The following CFAP74 variants were observed in gnomAD, a reference collection of about 807,000 sequenced individuals.
The protein encoded by CFAP74 is cilia and flagella associated protein 74.
In CFAP74, 124 loss-of-function variants were observed where a neutral mutation model predicts 188.9. The ratio of observed to expected loss-of-function variants is 0.66; its 90% CI spans 0.57 to 0.76. The LOEUF (loss-of-function observed/expected upper bound fraction) is 0.76, where lower values mean the gene tolerates loss of function less well. Among genes scored for constraint, CFAP74 ranks in the 30% least tolerant of loss-of-function variants. The probability of loss-of-function intolerance (pLI) is 0.00; values close to 1 mark genes in which losing one functional copy is unlikely to be tolerated. For synonymous variants in CFAP74, 956 were observed against 916.7 expected (o/e 1.04, Z -0.77); for missense variants, 2,198 against 2,165.2 (o/e 1.02, Z -0.30).
Position 1,995,844 on chromosome 1 carries a change from CT to C in CFAP74, c.-19-4870del, listed in dbSNP as rs1657889443. Among the ~76,000 whole-genome samples the C allele has an allele frequency of 3.4e-5, 5 of 148,394 alleles. 1 individual carries two copies. In the South Asian group the frequency reaches 8.8e-4, roughly 26 times the overall value. ...AATGGCATGAACCCGGGAGGCGGAA[CT>C]TGCAGTGAGCCGAGATTGCACCACT... On this transcript the variant is annotated intron_variant, in intron 1 of 38. Coordinates refer to ENST00000682832, the MANE Select transcript of CFAP74 (RefSeq NM_001304360.2).
Position 1,922,428 on chromosome 1 carries a change from T to A in CFAP74, c.4819-40A>T, listed in dbSNP as rs758852155. The A allele has an allele frequency of 4.4e-6, 7 of 1,581,044 alleles. No homozygotes were observed. In the Admixed American group the frequency reaches 1.3e-4, roughly 29 times the overall value. ...GAGGGGAGAAGAGGCCTTCAGTCAG[T>A]GGGCACCCAGAGGAGATCTGCTGTC... On this transcript the variant is annotated intron_variant, in intron 38 of 38. Coordinates refer to ENST00000682832, the MANE Select transcript of CFAP74 (RefSeq NM_001304360.2).
rs771587512 is a variant in CFAP74, at chr1:1,985,487, GGCCCT to G, written c.396-2_398del. On this transcript the variant is annotated splice_acceptor_variant and coding_sequence_variant, in exon 6 of 39. Transcript: ENST00000682832. LOFTEE classifies it high-confidence loss of function. ...ACACGGCCTGGAGGCGGCCCACAGC[GGCCCT>G]GCAGTGGTGAACGGACAGGCCGGGC... 6.2e-7 allele frequency: 1 copy of G among 1,613,372 alleles called. No homozygotes were observed. The highest frequency in any genetic ancestry group is 2.2e-5 in the East Asian group (1 of 44,874).
chr1:1,927,714 G>A lies in CFAP74; in HGVS notation c.3420C>T (p.Asp1140=). ...GAACGGAGAATGACAGTCCATGCAG[G>A]TCCTTCCTCTGGGGGGCCATATTCT... ...FRKNMAPQRK[D]LHGLSFSVLR... The change falls in exon 28 of 39, where the codon GAC becomes GAT. Residue 1140 remains aspartate (D), a synonymous_variant. Transcript: ENST00000682832. The A allele has an allele frequency of 6.5e-7, 1 of 1,550,178 alleles. No homozygotes were observed. The highest frequency in any genetic ancestry group is 8.7e-7 in the Non-Finnish European group (1 of 1,146,832).
intron 34 of CFAP74, 73 bp downstream of exon 34, chr1:1,924,318 C>T: frequency 1.3e-6 from 1 of 762,992 alleles, no homozygotes; most frequent in South Asian, 2.3e-5. Flanking sequence ...TGTCCCCCTC[C>T]AGGCCACTGC....
chr1:1,954,950 C>G (rs528760978), intron 18 of CFAP74: 1 of 1,196,370 alleles, frequency 8.4e-7, no homozygotes, highest in East Asian at 5.9e-5. Context: ...CAAGTGTGCA[C>G]TGGCAGAAGG....
chr1:1,928,760 C>T (rs1159138484), intron 27 of CFAP74, 24 bp downstream of exon 27: 3 of 1,508,270 alleles, frequency 2.0e-6, no homozygotes, highest in South Asian at 2.4e-5. Flanking sequence ...CGACCTACGC[C>T]CCTCCTTCCC....
rs530989648 is a variant in CFAP74, at chr1:1,975,705, C to T, written c.501-1507G>A. On this transcript the variant is annotated intron_variant, in intron 6 of 38. Coordinates refer to ENST00000682832, the MANE Select transcript of CFAP74 (RefSeq NM_001304360.2). This position sits in a 1 kb window ranked among gnomAD's most constrained non-coding sequence, Gnocchi z 4.5. ...GGGGACTCCGCGGAGCTTCCACGGG[C>T]GGGTTATTTCTATTCCTCCCTCGCG... Among the ~76,000 whole-genome samples, 17 of 152,206 alleles carry T rather than the reference C, an allele frequency of 1.1e-4. No homozygotes were observed. The highest frequency in any genetic ancestry group is 2.1e-4 in the South Asian group (1 of 4,810).
intron 25 of CFAP74, among the ~76,000 whole-genome samples, chr1:1,937,357 G>A (rs1652971597): frequency 6.6e-6 from 1 of 152,174 alleles, no homozygotes; most frequent in Non-Finnish European, 1.5e-5. Context: ...GGACAGCATC[G>A]CACCTGTGGC....
intron 1 of CFAP74, among the ~76,000 whole-genome samples, chr1:1,993,128 G>T (rs1279597139): frequency 6.7e-6 from 1 of 149,720 alleles, no homozygotes; most frequent in African/African-American, 2.5e-5. Flanking sequence ...TTGAGCCCAG[G>T]AGGCGGAGGT....
chr1:1,986,398 C>T (rs1244303039), intron 5 of CFAP74, among the ~76,000 whole-genome samples: 1 of 152,154 alleles, frequency 6.6e-6, no homozygotes, highest in Non-Finnish European at 1.5e-5. Context: ...GCTGCTGGCC[C>T]TCTGCTCCCC....
chr1:1,952,784 A>G (rs1654285692), intron 18 of CFAP74, among the ~76,000 whole-genome samples: 1 of 151,796 alleles, frequency 6.6e-6, no homozygotes, highest in South Asian at 2.1e-4. Context: ...TCCCCCAAGT[A>G]GCTGGGACTA....
intron 4 of CFAP74, among the ~76,000 whole-genome samples, 196 bp downstream of exon 4, chr1:1,988,316 T>C (rs1396113406): frequency 6.6e-6 from 1 of 152,098 alleles, no homozygotes; most frequent in African/African-American, 2.4e-5. Context: ...GCCTTTTCTG[T>C]GGGAAGGGGG....
At chr1:1,978,425 G>A (rs527626124) in intron 6 of CFAP74, among the ~76,000 whole-genome samples, 4 of 152,284 alleles carry the variant, frequency 2.6e-5, no homozygotes, top group Admixed American at 2.6e-4. Flanking sequence ...GGGGATGGGT[G>A]GAAGGGGTTT....
chr1:1,950,773 A>C (rs905124659), intron 18 of CFAP74, among the ~76,000 whole-genome samples: 1 of 152,186 alleles, frequency 6.6e-6, no homozygotes, highest in African/African-American at 2.4e-5. Flanking sequence ...GCAGTCTCTT[A>C]ACAGCGTCTT....
In CFAP74 at chr1:1,923,797, AGCTTGTCG is replaced by A; in HGVS notation, c.4359_4366del (p.Asp1454ProfsTer6). On this transcript the variant is annotated frameshift_variant, in exon 35 of 39. Transcript: ENST00000682832. LOFTEE classifies it high-confidence loss of function. This position sits in a 1 kb window ranked among gnomAD's most constrained non-coding sequence, Gnocchi z 6.3. ...CACCTTTTCAAAGAGCACCACCTGG[AGCTTGTCG>A]GAGAAGTAGAGGCTTTCGTGGTCGG... 1 of 1,613,362 alleles carries A rather than the reference AGCTTGTCG, an allele frequency of 6.2e-7. No homozygotes were observed. The highest frequency in any genetic ancestry group is 8.5e-7 in the Non-Finnish European group (1 of 1,179,826).
Position 1,924,516 on chromosome 1 carries a change from T to TGCAGCTGCAGAGAGCAGGCC in CFAP74, c.4105-16_4108dup (p.Gln1370ArgfsTer109). 6.2e-7 allele frequency: 1 copy of TGCAGCTGCAGAGAGCAGGCC among 1,603,070 alleles called. No homozygotes were observed. The highest frequency in any genetic ancestry group is 2.3e-5 in the East Asian group (1 of 44,178). ...CTTGATGGGGAGCAGAGAGTTGTTC[T>TGCAGCTGCAGAGAGCAGGCC]GCAGCTGCAGAGAGCAGGCCGCGGT... On this transcript the variant is annotated frameshift_variant, in exon 34 of 39. Transcript: ENST00000682832. LOFTEE classifies it high-confidence loss of function.
intron 10 of CFAP74, among the ~76,000 whole-genome samples, chr1:1,969,100 C>A (rs1178761671): frequency 1.3e-5 from 2 of 152,312 alleles, no homozygotes; most frequent in Non-Finnish European, 2.9e-5. Flanking sequence ...AGAGGCCAAG[C>A]CAGAGGTTCC....
chr1:1,934,644 G>T (rs1570843517), intron 25 of CFAP74, among the ~76,000 whole-genome samples: 2 of 121,664 alleles, frequency 1.6e-5, no homozygotes, highest in African/African-American at 3.1e-5. Flanking sequence ...TGTGTACGTG[G>T]GTGTTAGGCT....
At chr1:1,929,528 T>A (rs186430679) in intron 26 of CFAP74, among the ~76,000 whole-genome samples, 223 of 150,022 alleles carry the variant, frequency 1.5e-3, no homozygotes, top group African/African-American at 5.3e-3. Context: ...TGAAATCCAT[T>A]TTGAATCACT....
Sources: gnomAD v4.1 joint callset for allele counts (sites outside exome capture counted in the v4.1 genomes callset) on GRCh38, gnomAD v4.1.1 for gene constraint, Gnocchi (gnomAD v3.1) non-coding constraint, MANE v1.5 for transcripts, NCBI Gene and HGNC (gene_info 2026-07-23, HGNC 2026-07-21) for gene names.